MAP2: variants seen among roughly 807,000 people sequenced by gnomAD.
MAP2 encodes the protein microtubule associated protein 2.
A neutral mutation model predicts 137.6 loss-of-function variants in MAP2; 14 were observed. The ratio of observed to expected loss-of-function variants is 0.10; its 90% CI spans 0.07 to 0.16. MAP2 has a LOEUF of 0.16. Ranked by LOEUF, MAP2 falls within the 10% of genes least tolerant of loss-of-function variation. The probability of loss-of-function intolerance (pLI) is 1.00; values close to 1 mark genes in which losing one functional copy is unlikely to be tolerated. For missense variants in MAP2, 2,088 were observed against 2,191.5 expected (o/e 0.95, Z 0.94); for synonymous variants, 786 against 782.3 (o/e 1.00, Z -0.08).
At chr2:209,456,070 AAGT>A (rs1221584689) in intron 1 of MAP2, among the ~76,000 whole-genome samples, 2 of 152,182 alleles carry the variant, frequency 1.3e-5, no homozygotes, top group East Asian at 1.9e-4. Flanking sequence ...CCATAAAAAG[AAGT>A]GACTATCACT....
chr2:209,678,333 A>AT (rs1313267210), intron 5 of MAP2, among the ~76,000 whole-genome samples: 2 of 152,038 alleles, frequency 1.3e-5, no homozygotes, highest in Admixed American at 6.6e-5. Context: ...CTATGTAAGT[A>AT]TTTTTTCTCA....
intron 2 of MAP2, among the ~76,000 whole-genome samples, chr2:209,532,494 A>T (rs1464734623): frequency 6.6e-6 from 1 of 152,188 alleles, no homozygotes; most frequent in Non-Finnish European, 1.5e-5. Context: ...AGATTGAGTC[A>T]AGTTAAACAA....
intron 1 of MAP2, among the ~76,000 whole-genome samples, chr2:209,444,230 C>G (rs980935863): frequency 1.3e-5 from 2 of 151,386 alleles, no homozygotes; most frequent in Non-Finnish European, 3.0e-5. Context: ...TTAGAACCCC[C>G]ATCTTTAATT....
chr2:209,560,116 A>G (rs2071656523), intron 2 of MAP2, among the ~76,000 whole-genome samples: 1 of 152,186 alleles, frequency 6.6e-6, no homozygotes, highest in Non-Finnish European at 1.5e-5. Context: ...TAGATACAAC[A>G]TGAGTCCTTG....
chr2:209,507,710 A>T (rs182736369), intron 2 of MAP2, 69 bp downstream of exon 2: 1 of 152,306 alleles, frequency 6.6e-6, no homozygotes, highest in African/African-American at 2.4e-5. Flanking sequence ...GGGTCTTTAG[A>T]TAGCTGTGTC....
At chr2:209,646,891 G>A (rs1026500387) in intron 4 of MAP2, among the ~76,000 whole-genome samples, 2 of 151,718 alleles carry the variant, frequency 1.3e-5, no homozygotes, top group African/African-American at 4.8e-5. Context: ...TAGAACATTT[G>A]GTTACTTATT....
chr2:209,456,456 G>A (rs1701557912), intron 1 of MAP2, among the ~76,000 whole-genome samples: 1 of 152,206 alleles, frequency 6.6e-6, no homozygotes, highest in Non-Finnish European at 1.5e-5. Flanking sequence ...CTGAAGCAGT[G>A]TGGGTCCTAG....
At chr2:209,710,776 G>C (rs1202993155) in intron 13 of MAP2, 2 of 155,386 alleles carry the variant, frequency 1.3e-5, no homozygotes, top group African/African-American at 2.4e-5. Flanking sequence ...GGAGGTATTC[G>C]TGTTGATAAT....
chr2:209,626,001 G>GT (rs1367893754), intron 4 of MAP2, among the ~76,000 whole-genome samples: 9 of 152,132 alleles, frequency 5.9e-5, no homozygotes, highest in South Asian at 2.1e-4. Flanking sequence ...TTTCAATTTA[G>GT]TTTTTTTAAA....
chr2:209,485,912 G>C (rs1161225103), intron 1 of MAP2, among the ~76,000 whole-genome samples: 4 of 152,204 alleles, frequency 2.6e-5, no homozygotes, highest in Non-Finnish European at 5.9e-5. Context: ...TAGCTTTCTT[G>C]CTGTGATAAA....
At chr2:209,569,290 A>T (rs1333979007) in intron 2 of MAP2, among the ~76,000 whole-genome samples, 1 of 151,774 alleles carries the variant, frequency 6.6e-6, no homozygotes, top group Non-Finnish European at 1.5e-5. Context: ...TATGCTTCTT[A>T]TATGAGCTTT....
chr2:209,713,013 G>A (rs2066047626), intron 13 of MAP2, among the ~76,000 whole-genome samples: 1 of 152,096 alleles, frequency 6.6e-6, no homozygotes, highest in Non-Finnish European at 1.5e-5. Context: ...GCCAGGTTTT[G>A]TAATAGTGAT....
chr2:209,525,403 T>A (rs2063879968), intron 2 of MAP2, among the ~76,000 whole-genome samples: 1 of 152,150 alleles, frequency 6.6e-6, no homozygotes, highest in African/African-American at 2.4e-5. Flanking sequence ...AAAAGTAAGT[T>A]GTAATGGGAG....
chr2:209,526,803 T>C (rs1185432925), intron 2 of MAP2, among the ~76,000 whole-genome samples: 1 of 151,484 alleles, frequency 6.6e-6, no homozygotes, highest in Non-Finnish European at 1.5e-5. Context: ...TTTCTGATGA[T>C]GGTCATGTGT....
At chr2:209,633,190 C>T (rs749011952) in intron 4 of MAP2, among the ~76,000 whole-genome samples, 13 of 152,034 alleles carry the variant, frequency 8.6e-5, no homozygotes, top group Non-Finnish European at 1.3e-4. Context: ...TTGTTATTTC[C>T]GTTACTCCTG....
intron 1 of MAP2, among the ~76,000 whole-genome samples, chr2:209,435,316 G>A (rs1695649915): frequency 6.6e-6 from 1 of 151,786 alleles, no homozygotes; most frequent in Non-Finnish European, 1.5e-5. Flanking sequence ...ATTCAGAGGA[G>A]GGAGTGTCAT....
intron 11 of MAP2, among the ~76,000 whole-genome samples, chr2:209,701,468 C>T (rs1363662636): frequency 6.6e-6 from 1 of 151,802 alleles, no homozygotes; most frequent in East Asian, 1.9e-4. Context: ...CTAATGAAAT[C>T]CTAAAATTAT....
chr2:209,469,173 CATT>C (rs1266494905), intron 1 of MAP2, among the ~76,000 whole-genome samples: 3 of 152,168 alleles, frequency 2.0e-5, no homozygotes, highest in South Asian at 2.1e-4. Context: ...TTAGGAAACT[CATT>C]ATCTCTTGAG....
chr2:209,464,346 A>G (rs958310980), intron 1 of MAP2, among the ~76,000 whole-genome samples: 4 of 152,142 alleles, frequency 2.6e-5, no homozygotes, highest in Admixed American at 2.0e-4. Context: ...CCAACTCTTG[A>G]ATTAGTTTGG....
Sources: gnomAD v4.1 joint callset for allele counts (sites outside exome capture counted in the v4.1 genomes callset) on GRCh38, gnomAD v4.1.1 for gene constraint, MANE v1.5 for transcripts, NCBI Gene and HGNC (gene_info 2026-07-23, HGNC 2026-07-21) for gene names.